Variants in NRXN3 observed in about 807,000 individuals in gnomAD.
NRXN3 encodes neurexin III.
NRXN3 carries 32 observed loss-of-function variants against 137.6 expected under a neutral mutation model. That is an observed-to-expected ratio of 0.23 (90% CI 0.18 to 0.31). The LOEUF is 0.31. Among genes scored for constraint, NRXN3 ranks in the 10% least tolerant of loss-of-function variants. The probability of loss-of-function intolerance (pLI) is 1.00; values close to 1 mark genes in which losing one functional copy is unlikely to be tolerated. For missense variants in NRXN3, 1,574 were observed against 2,062.5 expected, an observed-to-expected ratio of 0.76 and a Z score of 4.59; for synonymous variants, 798 against 784.5, an observed-to-expected ratio of 1.02 and a Z score of -0.29.
chr14:79,490,207 T>G (rs2033846457), intron 16 of NRXN3, among the ~76,000 whole-genome samples: 2 of 152,110 alleles, frequency 1.3e-5, no homozygotes, highest in Admixed American at 1.3e-4. Context: ...CACTGAACAC[T>G]GTTGGTTGGA....
At chr14:78,346,544 G>A (rs937747639) in intron 4 of NRXN3, among the ~76,000 whole-genome samples, 1 of 152,180 alleles carries the variant, frequency 6.6e-6, no homozygotes, top group Non-Finnish European at 1.5e-5. Flanking sequence ...GAGGAAACAG[G>A]ATCAGGGAAG....
intron 10 of NRXN3, among the ~76,000 whole-genome samples, chr14:78,815,710 C>T (rs958879013): frequency 2.6e-5 from 4 of 151,932 alleles, no homozygotes; most frequent in Admixed American, 6.6e-5. Context: ...TTCATCTTTA[C>T]GAATCGTTTA....
chr14:78,415,101 A>G (rs2153668743), intron 4 of NRXN3, among the ~76,000 whole-genome samples: 1 of 152,342 alleles, frequency 6.6e-6, no homozygotes, highest in East Asian at 1.9e-4. Flanking sequence ...CAGACTTGAG[A>G]AACAGCTCTA....
chr14:79,465,698 G>C (rs17836088), intron 15 of NRXN3, among the ~76,000 whole-genome samples: 27,624 of 152,166 alleles, frequency 0.18, 2,691 homozygotes, highest in Non-Finnish European at 0.22. Context: ...ACCAGTGCTT[G>C]AGATTTTTAG....
At chr14:78,534,883 A>G (rs148550518) in intron 4 of NRXN3, among the ~76,000 whole-genome samples, 1 of 152,196 alleles carries the variant, frequency 6.6e-6, no homozygotes, top group African/African-American at 2.4e-5. Context: ...AATTATATGT[A>G]CTTTTAGTGA....
intron 10 of NRXN3, among the ~76,000 whole-genome samples, chr14:78,945,671 A>C (rs1043345293): frequency 2.6e-5 from 4 of 152,124 alleles, no homozygotes; most frequent in African/African-American, 9.7e-5. Context: ...TGTTAATGGG[A>C]CCCATGTGTT....
At chr14:79,757,903 A>C (rs1157618371) in intron 19 of NRXN3, among the ~76,000 whole-genome samples, 1 of 152,140 alleles carries the variant, frequency 6.6e-6, no homozygotes, top group African/African-American at 2.4e-5. Context: ...AGCAAAAGAA[A>C]CCACATTAAT....
intron 4 of NRXN3, among the ~76,000 whole-genome samples, chr14:78,389,506 A>G (rs746387457): frequency 1.3e-5 from 2 of 152,196 alleles, no homozygotes; most frequent in Admixed American, 1.3e-4. Flanking sequence ...AATTTTTATC[A>G]TTTATAATGT....
chr14:79,755,528 G>A (rs115973060), intron 19 of NRXN3, among the ~76,000 whole-genome samples: 33 of 148,800 alleles, frequency 2.2e-4, no homozygotes, highest in African/African-American at 7.7e-4. Flanking sequence ...TAAAAATACC[G>A]AAGATTTTTT....
At position 79,056,252 on chromosome 14, in the gene NRXN3, TA is replaced by T. The variant is rs569692867; in HGVS notation, c.3262+68112del. ...TATCATGTGAAACAGAGAGATGATT[TA>T]TTTTTTCTGTTCATTTACTGAGGGC... is the stretch of plus-strand genomic sequence containing the variant. On this transcript the variant is annotated intron_variant, in intron 15 of 20. Transcript: ENST00000335750. Among the ~76,000 whole-genome samples, 29 of 152,292 alleles carry T rather than the reference TA, an allele frequency of 1.9e-4. No homozygotes were observed. The South Asian group carries it at 5.8e-3, about 30-fold the overall frequency.
chr14:79,795,026 G>C (rs2099156904), intron 19 of NRXN3, among the ~76,000 whole-genome samples: 1 of 152,134 alleles, frequency 6.6e-6, no homozygotes, highest in African/African-American at 2.4e-5. Context: ...GTCTTTGTGA[G>C]CAAAAAACCC....
chr14:79,623,671 C>T (rs995971911), intron 16 of NRXN3, among the ~76,000 whole-genome samples: 10 of 152,158 alleles, frequency 6.6e-5, no homozygotes, highest in African/African-American at 1.9e-4. Context: ...AACTCATTTG[C>T]CTGCAGATTT....
chr14:79,447,436 T>A (rs958591445), intron 15 of NRXN3, among the ~76,000 whole-genome samples: 1 of 152,194 alleles, frequency 6.6e-6, no homozygotes, highest in African/African-American at 2.4e-5. Flanking sequence ...TAGCAGCAAT[T>A]TGCTGAAAAA....
chr14:79,591,453 A>G (rs1161873376), intron 16 of NRXN3, among the ~76,000 whole-genome samples: 1 of 152,196 alleles, frequency 6.6e-6, no homozygotes, highest in Admixed American at 6.5e-5. Flanking sequence ...AAATTTGTCA[A>G]TATTTTCCAC....
At chr14:78,501,418 C>A (rs1214295315) in intron 4 of NRXN3, among the ~76,000 whole-genome samples, 1 of 152,158 alleles carries the variant, frequency 6.6e-6, no homozygotes, top group Admixed American at 6.5e-5. Context: ...CATGGCATGG[C>A]AGCTTGCTTT....
chr14:79,531,152 T>G (rs992377996), intron 16 of NRXN3, among the ~76,000 whole-genome samples: 35 of 152,186 alleles, frequency 2.3e-4, no homozygotes, highest in African/African-American at 8.2e-4. Context: ...CCAATCCTCT[T>G]TGAAGTAGGA....
chr14:78,503,330 T>C (rs2095916359), intron 4 of NRXN3, among the ~76,000 whole-genome samples: 1 of 151,992 alleles, frequency 6.6e-6, no homozygotes, highest in Non-Finnish European at 1.5e-5. Flanking sequence ...CTAATGCAAA[T>C]CAAAGAGACC....
chr14:78,502,389 C>T (rs554295002), intron 4 of NRXN3, among the ~76,000 whole-genome samples: 2 of 152,288 alleles, frequency 1.3e-5, no homozygotes, highest in East Asian at 3.9e-4. Context: ...AATATATGTG[C>T]CATGCTTGAG....
At chr14:78,366,928 C>T (rs767172602) in intron 4 of NRXN3, among the ~76,000 whole-genome samples, 6 of 152,258 alleles carry the variant, frequency 3.9e-5, no homozygotes, top group African/African-American at 1.2e-4. Context: ...AGCTCCTCAG[C>T]GTGGCACCAG....
Sources: allele counts gnomAD v4.1 joint callset (sites outside exome capture counted in the v4.1 genomes callset), GRCh38; gene constraint gnomAD v4.1.1; transcripts MANE v1.5; gene names NCBI Gene and HGNC (gene_info 2026-07-23, HGNC 2026-07-21).